The following NF2 variants were observed in gnomAD, a reference collection of about 807,000 sequenced individuals.
NF2 encodes merlin.
In NF2, 8 loss-of-function variants were observed where a neutral mutation model predicts 83.7. The ratio of observed to expected loss-of-function variants is 0.10; its 90% confidence interval spans 0.06 to 0.17. NF2 has a LOEUF of 0.17. NF2 is among the 10% of genes least tolerant of loss of function. The probability of loss-of-function intolerance (pLI) is 1.00; values close to 1 mark genes in which losing one functional copy is unlikely to be tolerated. For missense variants in NF2, 533 were observed against 744.4 expected, an observed-to-expected ratio of 0.72 and a Z score of 3.31; for synonymous variants, 266 against 269.6, an observed-to-expected ratio of 0.99 and a Z score of 0.13.
chr22:29,621,488 G>A (rs1177708948), intron 1 of NF2, among the ~76,000 whole-genome samples: 2 of 151,948 alleles, frequency 1.3e-5, no homozygotes, highest in Admixed American at 6.6e-5. Flanking sequence ...GCAACATGGC[G>A]AAACCCTATC....
chr22:29,644,057 G>A (rs74453045), intron 4 of NF2, among the ~76,000 whole-genome samples: 23 of 138,954 alleles, frequency 1.7e-4, no homozygotes, highest in African/African-American at 4.6e-4. Flanking sequence ...GGTGGCTGCC[G>A]GGCGGAGACG....
At chr22:29,669,386 A>G (rs916423886) in intron 10 of NF2, among the ~76,000 whole-genome samples, 2 of 152,136 alleles carry the variant, frequency 1.3e-5, no homozygotes, top group Non-Finnish European at 2.9e-5. Flanking sequence ...GCTCATCCCT[A>G]TAACTCCAGC....
chr22:29,674,403 T>G (rs2066899079), intron 12 of NF2, among the ~76,000 whole-genome samples: 1 of 152,200 alleles, frequency 6.6e-6, no homozygotes, highest in African/African-American at 2.4e-5. Context: ...GGCCCACTGG[T>G]GTTTTATCCG....
intron 1 of NF2, among the ~76,000 whole-genome samples, chr22:29,610,712 A>G (rs1019010142): frequency 2.0e-5 from 3 of 152,108 alleles, no homozygotes; most frequent in Non-Finnish European, 4.4e-5. Context: ...AGGTCCTGAT[A>G]ACTTCACCAC....
At chr22:29,676,941 C>T (rs1161325021) in intron 13 of NF2, among the ~76,000 whole-genome samples, 1 of 152,178 alleles carries the variant, frequency 6.6e-6, no homozygotes, top group Non-Finnish European at 1.5e-5. Flanking sequence ...TGAACATACC[C>T]ATGTACCCAG....
At chr22:29,627,271 C>T (rs1372591855) in intron 1 of NF2, among the ~76,000 whole-genome samples, 2 of 152,102 alleles carry the variant, frequency 1.3e-5, no homozygotes, top group African/African-American at 2.4e-5. Flanking sequence ...GAAGCCGAGA[C>T]CCAAAGAGGT....
chr22:29,638,374 G>C (rs950600659), intron 2 of NF2, among the ~76,000 whole-genome samples: 3 of 147,388 alleles, frequency 2.0e-5, no homozygotes, highest in African/African-American at 7.5e-5. Flanking sequence ...TTTTAAGACA[G>C]AGTTTTGCTC....
At chr22:29,680,118 T>TG (rs1176662931) in intron 14 of NF2, among the ~76,000 whole-genome samples, 2 of 147,616 alleles carry the variant, frequency 1.4e-5, no homozygotes, top group African/African-American at 4.9e-5. Flanking sequence ...TCCTGACACT[T>TG]TTTTTTTTTT....
Position 29,679,102 on chromosome 22 carries a change from CA to C in NF2, c.1574+780del, listed in dbSNP as rs145591220. Among the ~76,000 whole-genome samples the C allele has an allele frequency of 6.5e-3, 991 of 152,348 alleles. 5 individuals are homozygous for C. Among genetic ancestry groups the C allele is most frequent in the Non-Finnish European group, 0.012 (824 of 68,030 alleles). ...TGCTAACTTACAAACATCAAAATGA[CA>C]TCAAAGGTAGGTTTTCATGTTCCCA... On this transcript the variant is annotated intron_variant, in intron 14 of 15. Transcript: ENST00000338641.
intron 4 of NF2, among the ~76,000 whole-genome samples, chr22:29,644,740 G>A (rs1420976182): frequency 4.6e-5 from 7 of 152,022 alleles, no homozygotes; most frequent in South Asian, 4.1e-4. Flanking sequence ...CCAACACAGC[G>A]AAACCCCGTC....
intron 4 of NF2, among the ~76,000 whole-genome samples, chr22:29,643,456 TC>T (rs35408713): frequency 3.3e-5 from 5 of 152,304 alleles, no homozygotes; most frequent in Admixed American, 6.5e-5. Context: ...AGCGTTTGTG[TC>T]CCTGGGTACT....
chr22:29,633,880 T>C (rs1249482532), intron 1 of NF2, among the ~76,000 whole-genome samples: 2 of 152,232 alleles, frequency 1.3e-5, no homozygotes, highest in Non-Finnish European at 2.9e-5. Context: ...TAACATTGGT[T>C]GGCATGTAGG....
chr22:29,678,083 ACC>A, intron 13 of NF2, 111 bp from the exon 14 acceptor site: 1 of 1,390,218 alleles, frequency 7.2e-7, no homozygotes, highest in Non-Finnish European at 1.0e-6. Context: ...GGGAGGTGGG[ACC>A]CGAGTTGTGC....
chr22:29,619,791 T>A (rs2065169752), intron 1 of NF2, among the ~76,000 whole-genome samples: 1 of 152,096 alleles, frequency 6.6e-6, no homozygotes, highest in Non-Finnish European at 1.5e-5. Flanking sequence ...TGCGTGCTGA[T>A]GAAGGGGTGC....
chr22:29,677,748 T>C (rs1394418632), intron 13 of NF2, among the ~76,000 whole-genome samples: 1 of 152,234 alleles, frequency 6.6e-6, no homozygotes, highest in Admixed American at 6.5e-5. Flanking sequence ...GCATCTCTTC[T>C]AGCCTCTGTT....
At chr22:29,644,739 C>G (rs1376486943) in intron 4 of NF2, among the ~76,000 whole-genome samples, 1 of 152,178 alleles carries the variant, frequency 6.6e-6, no homozygotes, top group Non-Finnish European at 1.5e-5. Flanking sequence ...GCCAACACAG[C>G]GAAACCCCGT....
chr22:29,680,481 A>G (rs1274735925), intron 14 of NF2, among the ~76,000 whole-genome samples: 3 of 152,234 alleles, frequency 2.0e-5, no homozygotes, highest in Non-Finnish European at 2.9e-5. Flanking sequence ...ACCCTTGCAC[A>G]TATTGGCAGA....
intron 1 of NF2, among the ~76,000 whole-genome samples, chr22:29,608,682 A>G (rs549305653): frequency 1.3e-5 from 2 of 152,062 alleles, no homozygotes; most frequent in East Asian, 3.9e-4. Context: ...CCTGAAAAAA[A>G]AAAAAAAGAT....
Position 29,610,653 on chromosome 22 carries a change from A to G in NF2, c.114+6541A>G, listed in dbSNP as rs148411259. On this transcript the variant is annotated intron_variant, in intron 1 of 15. Transcript: ENST00000338641. The stretch of plus-strand genomic sequence containing the variant: ...AGTGAGACTCCATCTCAAAAAAAAA[A>G]AAAAAGAAGAAAGAAAAGCAAAGCA... 5.9e-3 allele frequency among the ~76,000 whole-genome samples: 899 copies of G among 151,996 alleles called. 4 individuals are homozygous for G. The highest frequency in any genetic ancestry group is 0.024 in the Middle Eastern group (7 of 294).
Sources: allele counts gnomAD v4.1 joint callset (sites outside exome capture counted in the v4.1 genomes callset), GRCh38; gene constraint gnomAD v4.1.1; transcripts MANE v1.5; gene names NCBI Gene and HGNC (gene_info 2026-07-23, HGNC 2026-07-21).